DIS3L2: variants seen among roughly 807,000 people sequenced by gnomAD.
DIS3L2 encodes DIS3-like exonuclease 2.
Under a neutral mutation model 97.5 loss-of-function variants are expected in DIS3L2, and 34 were observed. The observed-to-expected ratio is 0.35, with a 90% confidence interval of 0.27 to 0.46. The LOEUF (loss-of-function observed/expected upper bound fraction) is 0.46. Ranked by LOEUF, DIS3L2 falls within the 20% of genes least tolerant of loss-of-function variation. DIS3L2 has a pLI of 1.00. For synonymous variants in DIS3L2, 435 were observed against 445.2 expected (o/e 0.98, Z 0.29); for missense variants, 1,038 against 1,146.0 (o/e 0.91, Z 1.36).
chr2:232,069,825 A>G (rs781424403), intron 5 of DIS3L2, among the ~76,000 whole-genome samples: 12 of 152,194 alleles, frequency 7.9e-5, no homozygotes, highest in Non-Finnish European at 1.6e-4. Context: ...ACATACACAC[A>G]TACACACAGG....
chr2:232,130,664 G>T lies in DIS3L2; in HGVS notation c.647G>T (p.Cys216Phe). Residue 216 changes from cysteine to phenylalanine, a missense_variant, in exon 7 of 21, where the codon TGC becomes TTC. Physicochemically the swap from Cys to Phe is radical, Grantham distance 205. Coordinates refer to ENST00000325385, the MANE Select transcript of DIS3L2 (RefSeq NM_152383.5). ...CCGGTTACAAAAGATGAGACCACCT[G>T]CATTTCACAAGACACAAGAGCTTTA... The part of the protein sequence containing the change: ...DAPVTKDETT[C>F]ISQDTRALSE... The T allele has an allele frequency of 1.2e-6, 2 of 1,613,814 alleles. No homozygotes were observed. Among genetic ancestry groups the T allele is most frequent in the South Asian group, 1.1e-5 (1 of 91,022 alleles).
At chr2:232,028,288 A>C (rs960192901) in intron 4 of DIS3L2, among the ~76,000 whole-genome samples, 1 of 152,256 alleles carries the variant, frequency 6.6e-6, no homozygotes, top group South Asian at 2.1e-4. Flanking sequence ...CTGGCATTCA[A>C]ACAAAGAGCT....
intron 4 of DIS3L2, among the ~76,000 whole-genome samples, chr2:232,026,623 C>T (rs867599609): frequency 1.3e-5 from 2 of 151,990 alleles, no homozygotes; most frequent in Admixed American, 1.3e-4. Context: ...GGAAGCACAT[C>T]CATTTGGCCC....
intron 1 of DIS3L2, among the ~76,000 whole-genome samples, chr2:231,969,720 C>T (rs540217382): frequency 4.6e-5 from 7 of 152,138 alleles, no homozygotes; most frequent in Non-Finnish European, 8.8e-5. Flanking sequence ...TTTCTTATTG[C>T]ACTGGCTGCA....
At chr2:232,338,095 G>A (rs1696022427), downstream of DIS3L2, among the ~76,000 whole-genome samples, 3 of 152,074 alleles carry the variant, frequency 2.0e-5, no homozygotes, top group Admixed American at 2.0e-4. Flanking sequence ...GCTGTGGGGT[G>A]CTGCCCCAGC....
chr2:232,001,643 T>C (rs1404644953), intron 1 of DIS3L2, among the ~76,000 whole-genome samples: 2 of 147,412 alleles, frequency 1.4e-5, no homozygotes, highest in Non-Finnish European at 3.0e-5. Context: ...ATCAATGTCA[T>C]GGAACTTTAT....
chr2:232,057,492 C>T (rs1695577415), intron 5 of DIS3L2, among the ~76,000 whole-genome samples: 1 of 152,140 alleles, frequency 6.6e-6, no homozygotes, highest in Non-Finnish European at 1.5e-5. Context: ...CTGACCTCAT[C>T]AGGTGAGCCC....
At chr2:232,249,921 G>A (rs1305939427) in intron 12 of DIS3L2, among the ~76,000 whole-genome samples, 1 of 152,194 alleles carries the variant, frequency 6.6e-6, no homozygotes, top group Non-Finnish European at 1.5e-5. Context: ...GGCACAAGGT[G>A]GTGAAACCAC....
intron 13 of DIS3L2, among the ~76,000 whole-genome samples, 158 bp downstream of exon 13, chr2:232,263,598 C>A (rs1693779824): frequency 6.6e-6 from 1 of 152,142 alleles, no homozygotes; most frequent in Non-Finnish European, 1.5e-5. Flanking sequence ...GAACTAACTC[C>A]CATTCACTCT....
In DIS3L2 at chr2:232,270,908, C is replaced by CTGTCTTG. The variant is rs1293650975; in HGVS notation, c.1659+7469_1659+7470insGTCTTGT. 4.0e-3 allele frequency among the ~76,000 whole-genome samples: 528 copies of CTGTCTTG among 130,654 alleles called. 9 individuals are homozygous for CTGTCTTG. The highest frequency in any genetic ancestry group is 0.014 in the African/African-American group (489 of 35,148). 85.7% of individuals were successfully genotyped at this position (130,654 alleles called of 152,430 possible). A position where few individuals can be genotyped will look rare whatever the true frequency, so the allele number is the denominator to read the frequency against. Reference sequence around the variant, plus strand: ...TCTCTCTCTCTCTCTCTCTCTCTCTCTCTCTCTGTCTCGTCTCTCTCTCTC... The same window carrying CTGTCTTG: ...TCTCTCTCTCTCTCTCTCTCTCTCTCTGTCTTGTCTCTCTGTCTCGTCTCTCTCTCTC... On this transcript the variant is annotated intron_variant, in intron 13 of 20. Coordinates refer to ENST00000325385, the MANE Select transcript of DIS3L2 (RefSeq NM_152383.5).
chr2:232,222,512 C>G (rs560755455), intron 10 of DIS3L2, among the ~76,000 whole-genome samples: 1 of 152,032 alleles, frequency 6.6e-6, no homozygotes, highest in African/African-American at 2.4e-5. Flanking sequence ...GCTCTGTCGC[C>G]CAGGCTGGAG....
chr2:232,289,705 A>T (rs1375643738), intron 13 of DIS3L2, among the ~76,000 whole-genome samples: 2 of 152,252 alleles, frequency 1.3e-5, no homozygotes, highest in Non-Finnish European at 2.9e-5. Context: ...ACTATCCTCT[A>T]TCCTAATCTG....
chr2:232,058,056 TG>T (rs1695596858), intron 5 of DIS3L2, among the ~76,000 whole-genome samples: 1 of 152,188 alleles, frequency 6.6e-6, no homozygotes, highest in Non-Finnish European at 1.5e-5. Context: ...GTAATTGCAA[TG>T]GTTAGTTTGA....
chr2:232,234,488 T>G (rs1045201710), intron 10 of DIS3L2, among the ~76,000 whole-genome samples: 1 of 152,208 alleles, frequency 6.6e-6, no homozygotes, highest in Admixed American at 6.5e-5. Flanking sequence ...TAGCTGGGAC[T>G]ACAGGCATGC....
At chr2:232,084,121 C>T (rs1365474333) in intron 5 of DIS3L2, among the ~76,000 whole-genome samples, 3 of 152,106 alleles carry the variant, frequency 2.0e-5, no homozygotes, top group East Asian at 1.9e-4. Flanking sequence ...TGAGTGATAT[C>T]GGATTCTTTT....
chr2:231,978,592 C>G (rs914682380), intron 1 of DIS3L2: 2 of 152,114 alleles, frequency 1.3e-5, no homozygotes, highest in Admixed American at 1.3e-4. Flanking sequence ...GAATGATTTC[C>G]TAGTGGATAA....
intron 5 of DIS3L2, among the ~76,000 whole-genome samples, chr2:232,053,117 A>G (rs1238429345): frequency 2.0e-5 from 3 of 152,226 alleles, no homozygotes; most frequent in Admixed American, 6.5e-5. Flanking sequence ...GATTTAATTC[A>G]TGAGGAGACA....
At chr2:232,049,579 A>G (rs561734966) in intron 5 of DIS3L2, among the ~76,000 whole-genome samples, 2 of 152,320 alleles carry the variant, frequency 1.3e-5, no homozygotes, top group Admixed American at 1.3e-4. Flanking sequence ...TGGTGGCTTA[A>G]TCTTGGACTT....
chr2:232,342,782 C>G (rs1445103639), intron 13 of DIS3L2, among the ~76,000 whole-genome samples: 3 of 152,202 alleles, frequency 2.0e-5, no homozygotes, highest in African/African-American at 7.2e-5. Context: ...TGTGTGAGCC[C>G]AGGCTGGGCT....
Sources: allele counts gnomAD v4.1 joint callset (sites outside exome capture counted in the v4.1 genomes callset), GRCh38; gene constraint gnomAD v4.1.1; transcripts MANE v1.5; gene names NCBI Gene and HGNC (gene_info 2026-07-23, HGNC 2026-07-21).